NELL2: variants seen among roughly 807,000 people sequenced by gnomAD.
The protein encoded by NELL2 is neural EGFL like 2, also known as protein kinase C-binding protein NELL2.
In NELL2, 41 loss-of-function variants were observed where a neutral mutation model predicts 109.6. The ratio of observed to expected loss-of-function variants is 0.37; its 90% CI spans 0.29 to 0.49. The LOEUF (loss-of-function observed/expected upper bound fraction) is 0.49. NELL2 is among the 20% of genes least tolerant of loss of function. The probability of loss-of-function intolerance (pLI) is 0.98; values close to 1 mark genes in which losing one functional copy is unlikely to be tolerated. For synonymous variants in NELL2, 355 were observed against 344.7 expected (o/e 1.03, Z -0.33); for missense variants, 900 against 1,008.3 (o/e 0.89, Z 1.45).
At chr12:44,647,898 T>C (rs941525184) in intron 13 of NELL2, among the ~76,000 whole-genome samples, 13 of 152,190 alleles carry the variant, frequency 8.5e-5, no homozygotes, top group Non-Finnish European at 1.9e-4. Context: ...ATGAGATTAA[T>C]GACAAAAAAA....
chr12:44,711,449 A>C, intron 10 of NELL2, 55 bp from the exon 11 acceptor site: 1 of 1,456,272 alleles, frequency 6.9e-7, no homozygotes, highest in East Asian at 2.3e-5. Flanking sequence ...ACTTGTTAAG[A>C]AGTTTCCAGA....
At chr12:44,870,833 C>T (rs543155690) in intron 2 of NELL2, among the ~76,000 whole-genome samples, 72 of 152,272 alleles carry the variant, frequency 4.7e-4, no homozygotes, top group Non-Finnish European at 9.1e-4. Context: ...GATGAGCAAA[C>T]TTAACTTCCC....
chr12:44,624,994 G>GTACATATA lies in NELL2; in HGVS notation c.1445-14025_1445-14024insTATATGTA, dbSNP rs759847225. Among the ~76,000 whole-genome samples, 3 of 118,702 alleles carry GTACATATA rather than the reference G, an allele frequency of 2.5e-5. No homozygotes were observed. The East Asian group carries it at 8.4e-4, about 33-fold the overall frequency. 77.9% of individuals were successfully genotyped at this position (118,702 alleles called of 152,430 possible). On this transcript the variant is annotated intron_variant, in intron 13 of 19. Coordinates refer to ENST00000429094, the MANE Select transcript of NELL2 (RefSeq NM_001145108.2). ...AGATGACAAATATATATATATGTGT[G>GTACATATA]TGTATATATATATATATATATATAT... is the stretch of plus-strand genomic sequence containing the variant.
At chr12:44,827,404 TCTAA>T (rs1943746638) in intron 2 of NELL2, among the ~76,000 whole-genome samples, 2 of 131,816 alleles carry the variant, frequency 1.5e-5, no homozygotes, top group East Asian at 2.5e-4. Context: ...CTGGTCTTCT[TCTAA>T]CTGTTTTTTT....
intron 1 of NELL2, among the ~76,000 whole-genome samples, chr12:44,898,791 G>A (rs1362859047): frequency 6.6e-6 from 1 of 152,088 alleles, no homozygotes; most frequent in Non-Finnish European, 1.5e-5. Flanking sequence ...TCAGAAGGTG[G>A]GTAATAACAA....
upstream of NELL2, among the ~76,000 whole-genome samples, chr12:44,918,945 G>A (rs554983163): frequency 1.1e-4 from 17 of 152,230 alleles, no homozygotes; most frequent in South Asian, 2.9e-3. Context: ...ATGATCACAT[G>A]ACCCTGAAAG....
chr12:44,639,451 T>C (rs1179294210), intron 13 of NELL2, among the ~76,000 whole-genome samples: 1 of 152,202 alleles, frequency 6.6e-6, no homozygotes. Context: ...GGGCTACTTG[T>C]TATTTCCTAA....
chr12:44,725,408 T>C (rs1441396095), intron 9 of NELL2, among the ~76,000 whole-genome samples: 1 of 151,842 alleles, frequency 6.6e-6, no homozygotes, highest in Non-Finnish European at 1.5e-5. Context: ...TTGGTGGGAG[T>C]GTAAATTAGT....
At chr12:44,881,896 C>T (rs1945415796) in intron 1 of NELL2, 1 of 151,750 alleles carries the variant, frequency 6.6e-6, no homozygotes, top group Non-Finnish European at 1.5e-5. Context: ...CTAAAAGCAA[C>T]AAGAAAAAAT....
intron 12 of NELL2, among the ~76,000 whole-genome samples, chr12:44,690,838 C>A (rs1210757097): frequency 7.9e-5 from 12 of 152,030 alleles, no homozygotes; most frequent in Admixed American, 6.5e-4. Context: ...ATGATAGAAG[C>A]CAATCAAAAA....
At chr12:44,804,842 G>C (rs1470702) in intron 3 of NELL2, among the ~76,000 whole-genome samples, 49,259 of 151,458 alleles carry the variant, frequency 0.33, 8,359 homozygotes, top group Middle Eastern at 0.37. Flanking sequence ...CAAAAATTTT[G>C]TTATTATACT....
intron 15 of NELL2, among the ~76,000 whole-genome samples, chr12:44,540,245 A>G (rs1265444304): frequency 6.6e-6 from 1 of 152,228 alleles, no homozygotes; most frequent in East Asian, 1.9e-4. Context: ...GGAACAAAGA[A>G]AAGTATAAAA....
At chr12:44,779,622 A>C (rs1225024872) in intron 5 of NELL2, 41 bp downstream of exon 5, 2 of 1,476,360 alleles carry the variant, frequency 1.4e-6, no homozygotes, top group Admixed American at 1.7e-5. Flanking sequence ...ACTCATTAGA[A>C]AGCATTTACA....
chr12:44,520,523 C>T (rs1054819889), intron 18 of NELL2, among the ~76,000 whole-genome samples: 1 of 152,112 alleles, frequency 6.6e-6, no homozygotes, highest in Non-Finnish European at 1.5e-5. Flanking sequence ...GTGCATGCCC[C>T]TATCTTTCCC....
chr12:44,728,375 GA>G (rs1362675955), intron 9 of NELL2, among the ~76,000 whole-genome samples: 2 of 152,062 alleles, frequency 1.3e-5, no homozygotes, highest in African/African-American at 4.8e-5. Context: ...TTCAACAGTA[GA>G]TTTGATTAAG....
At chr12:44,553,678 G>T (rs1481099664) in intron 15 of NELL2, among the ~76,000 whole-genome samples, 1 of 151,980 alleles carries the variant, frequency 6.6e-6, no homozygotes, top group Non-Finnish European at 1.5e-5. Flanking sequence ...TATGGGTATC[G>T]AAAATCACAT....
At chr12:44,660,838 C>T (rs1164040497) in intron 13 of NELL2, among the ~76,000 whole-genome samples, 2 of 152,076 alleles carry the variant, frequency 1.3e-5, no homozygotes, top group African/African-American at 4.8e-5. Flanking sequence ...ATTCTTGATT[C>T]TGTTATAGGT....
chr12:44,893,525 A>G (rs548705373), intron 1 of NELL2, among the ~76,000 whole-genome samples: 1 of 152,176 alleles, frequency 6.6e-6, no homozygotes. Context: ...TAAATTAAGT[A>G]TTTCTGGGAT....
intron 15 of NELL2, among the ~76,000 whole-genome samples, chr12:44,605,748 C>A (rs1333010876): frequency 3.3e-5 from 5 of 152,070 alleles, no homozygotes; most frequent in Non-Finnish European, 7.4e-5. Flanking sequence ...GCCAGTATTT[C>A]TGTATCCAGC....
Sources: allele counts gnomAD v4.1 joint callset (sites outside exome capture counted in the v4.1 genomes callset), GRCh38; gene constraint gnomAD v4.1.1; transcripts MANE v1.5; gene names NCBI Gene and HGNC (gene_info 2026-07-23, HGNC 2026-07-21).